The following TET2 variants were observed in gnomAD, a reference collection of about 807,000 sequenced individuals.
TET2 encodes methylcytosine dioxygenase TET2.
TET2 carries 299 observed loss-of-function variants against 142.9 expected under a neutral mutation model. The observed-to-expected ratio is 2.09, with a 90% CI of 1.90 to 2.30. The LOEUF is 2.30. Ranked by LOEUF, TET2 falls within the 30% of genes most tolerant of loss-of-function variation. The pLI is 0.00. For synonymous variants in TET2, 819 were observed against 849.0 expected (o/e 0.96, Z 0.61); for missense variants, 2,418 against 2,378.0 (o/e 1.02, Z -0.35).
intron 2 of TET2, among the ~76,000 whole-genome samples, chr4:105,226,547 G>A (rs1477577338): frequency 6.6e-6 from 1 of 151,962 alleles, no homozygotes; most frequent in East Asian, 1.9e-4. Context: ...CTGATAGTGA[G>A]TTCTCAAGAG....
intron 1 of TET2, among the ~76,000 whole-genome samples, chr4:105,169,201 G>A (rs1724319933): frequency 6.6e-6 from 1 of 152,126 alleles, no homozygotes; most frequent in Non-Finnish European, 1.5e-5. Context: ...ATTCCCACCA[G>A]CAGTGTAGAA....
chr4:105,224,719 T>TCTCTCTCTCC (rs1465096047), intron 2 of TET2, among the ~76,000 whole-genome samples: 1 of 150,614 alleles, frequency 6.6e-6, no homozygotes, highest in African/African-American at 2.5e-5. Flanking sequence ...TCTCTCTCTC[T>TCTCTCTCTCC]CTCTCTCTGT....
At chr4:105,159,317 G>A (rs1164422923) in intron 1 of TET2, among the ~76,000 whole-genome samples, 2 of 146,580 alleles carry the variant, frequency 1.4e-5, no homozygotes, top group South Asian at 2.1e-4. Context: ...CAGTGGCGCC[G>A]CGATCTCGGC....
chr4:105,249,326 C>T (rs1376384366), intron 6 of TET2, among the ~76,000 whole-genome samples: 2 of 152,094 alleles, frequency 1.3e-5, no homozygotes, highest in African/African-American at 4.8e-5. Context: ...TGCCCAGCCA[C>T]ATTTTCTTTT....
chr4:105,146,753 C>G (rs1189464654), upstream of TET2: 1 of 152,044 alleles, frequency 6.6e-6, no homozygotes, highest in Non-Finnish European at 1.5e-5. Flanking sequence ...GCCCGGGTCC[C>G]GCTCGCATGC....
intron 6 of TET2, 51 bp downstream of exon 6, chr4:105,243,829 C>A (rs2110256444): frequency 6.7e-7 from 1 of 1,489,704 alleles, no homozygotes; most frequent in Non-Finnish European, 9.2e-7. Flanking sequence ...GATAGGAAAG[C>A]CCAATCTTTG....
chr4:105,175,322 TA>T (rs1724721745), intron 1 of TET2, among the ~76,000 whole-genome samples: 1 of 151,968 alleles, frequency 6.6e-6, no homozygotes, highest in African/African-American at 2.4e-5. Flanking sequence ...GGTGAGGGAT[TA>T]AAAAAATGAC....
At chr4:105,244,080 G>A (rs973800142) in intron 6 of TET2, among the ~76,000 whole-genome samples, 9 of 152,164 alleles carry the variant, frequency 5.9e-5, no homozygotes, top group Non-Finnish European at 8.8e-5. Flanking sequence ...ACAAGTGACG[G>A]CTCCTGTGTG....
intron 6 of TET2, among the ~76,000 whole-genome samples, chr4:105,245,375 G>T (rs1729536787): frequency 1.3e-5 from 2 of 151,516 alleles, no homozygotes; most frequent in Admixed American, 6.6e-5. Flanking sequence ...CTGTCACCCA[G>T]GCTGGAGTGC....
At chr4:105,259,385 T>A (rs1485467554) in intron 6 of TET2, among the ~76,000 whole-genome samples, 1 of 152,186 alleles carries the variant, frequency 6.6e-6, no homozygotes, top group African/African-American at 2.4e-5. Flanking sequence ...TAACTGGGTA[T>A]TTTCCATTTG....
At chr4:105,168,687 C>A (rs2110406576) in intron 1 of TET2, among the ~76,000 whole-genome samples, 1 of 151,764 alleles carries the variant, frequency 6.6e-6, no homozygotes, top group African/African-American at 2.4e-5. Context: ...CACCTATCAC[C>A]CGAGCAGTAT....
rs376515519 is a variant in TET2 at position 105,231,901 on chromosome 4, G to T, written c.-46-1996G>T. On this transcript the variant is annotated intron_variant, in intron 2 of 10. Coordinates refer to ENST00000380013, the MANE Select transcript of TET2 (RefSeq NM_001127208.3). ...AAAAATGTTCGAATGAATGCAATCAGATTCAAGGGTACAAGTGCAGGTTAT... is the reference window on the plus strand; with the variant it reads ...AAAAATGTTCGAATGAATGCAATCATATTCAAGGGTACAAGTGCAGGTTAT... Among the ~76,000 whole-genome samples, 6 of 152,260 alleles carry T rather than the reference G, an allele frequency of 3.9e-5. No homozygotes were observed. In the East Asian group the frequency reaches 1.2e-3, roughly 29 times the overall value.
At chr4:105,178,757 C>T (rs75101695) in intron 1 of TET2, among the ~76,000 whole-genome samples, 6,028 of 151,934 alleles carry the variant, frequency 0.04, 405 homozygotes, top group African/African-American at 0.14. Flanking sequence ...TGCACATGTA[C>T]CCTAAAACTT....
rs185125458 is a variant in TET2, at chr4:105,257,170, G to A, written c.3804-2449G>A. Among the ~76,000 whole-genome samples, 45 of 152,072 alleles carry A rather than the reference G, an allele frequency of 3.0e-4. 2 individuals carry two copies. In the East Asian group the frequency reaches 6.6e-3, roughly 22 times the overall value. On this transcript the variant is annotated intron_variant, in intron 6 of 10. Transcript: ENST00000380013. ...ATGTAATGGCTGAGAGCAGTGGCTC[G>A]TGCCTGTAATCCCAGCACGTTGAGA... is the stretch of plus-strand genomic sequence containing the variant.
chr4:105,265,062 T>C (rs1730619655), intron 8 of TET2, among the ~76,000 whole-genome samples: 1 of 152,226 alleles, frequency 6.6e-6, no homozygotes, highest in Admixed American at 6.5e-5. Flanking sequence ...GTCTTTTCTA[T>C]GCCTGCCTTA....
chr4:105,270,752 C>A (rs1271702159), intron 9 of TET2, among the ~76,000 whole-genome samples: 1 of 150,422 alleles, frequency 6.6e-6, no homozygotes, highest in Non-Finnish European at 1.5e-5. Context: ...AAGGGGTGAC[C>A]CAGAGTAGAG....
rs1056415739 is a variant in TET2 at position 105,156,209 on chromosome 4, TTTG to T, written c.-193+9236_-193+9238del. Among the ~76,000 whole-genome samples the T allele has an allele frequency of 7.2e-5, 11 of 152,324 alleles. No individual in the cohort carries two copies. In the South Asian group the frequency reaches 1.4e-3, roughly 20 times the overall value. On this transcript the variant is annotated intron_variant, in intron 1 of 10. Transcript: ENST00000380013. ...TTCTCGCATATTAGGAACATTTTGA[TTTG>T]TTGTTTATTTTTAGCTTTGCTTTTT...
Position 105,236,593 on chromosome 4 carries a change from AAGAACAG to A in TET2, c.2652_2658del (p.Glu885SerfsTer34). 6.2e-7 allele frequency: 1 copy of A among 1,614,122 alleles called. No individual in the cohort carries two copies. The highest frequency in any genetic ancestry group is 8.5e-7 in the Non-Finnish European group (1 of 1,180,024). ...CAAGATCTTCTTCACAGGTGCTTTC[AAGAACAG>A]GAGCAGAAGTCACAACAAGCTTCAG... On this transcript the variant is annotated frameshift_variant, in exon 3 of 11. Coordinates refer to ENST00000380013, the MANE Select transcript of TET2 (RefSeq NM_001127208.3). LOFTEE classifies it high-confidence loss of function.
rs915613696 is a variant in TET2, at chr4:105,278,853, C to G, written c.*2334C>G. ...ACTCTCTAAATGAAGTTTTTTTGAT[C>G]CTGTAATCACTGAAGGTACATACTC... is the stretch of plus-strand genomic sequence containing the variant. On this transcript the variant is annotated 3_prime_UTR_variant, in exon 11 of 11. Coordinates refer to ENST00000380013, the MANE Select transcript of TET2 (RefSeq NM_001127208.3). 6 of 232,824 alleles carry G rather than the reference C, an allele frequency of 2.6e-5. No homozygotes were observed. Among genetic ancestry groups the G allele is most frequent in the Non-Finnish European group, 5.1e-5 (6 of 117,924 alleles). 14.4% of individuals were successfully genotyped at this position (232,824 alleles called of 1,614,324 possible). A position where few individuals can be genotyped will look rare whatever the true frequency, so the allele number is the denominator to read the frequency against.
Sources: gnomAD v4.1 joint callset for allele counts (sites outside exome capture counted in the v4.1 genomes callset) on GRCh38, gnomAD v4.1.1 for gene constraint, MANE v1.5 for transcripts, NCBI Gene and HGNC (gene_info 2026-07-23, HGNC 2026-07-21) for gene names.